Variants in SLC60A2 observed in about 807,000 individuals in gnomAD.
SLC60A2 encodes solute carrier family 60 member 2.
chr6:111,279,803 GGTGGCTCA>G, the SLC60A2 span, among the ~76,000 whole-genome samples: 2 of 152,100 alleles, frequency 1.3e-5, no homozygotes, highest in African/African-American at 4.8e-5. Context: ...GGCTGGGCGT[GGTGGCTCA>G]CACCTGTAAT....
chr6:111,260,657 G>A, the SLC60A2 span, among the ~76,000 whole-genome samples: 4 of 152,270 alleles, frequency 2.6e-5, no homozygotes, highest in East Asian at 1.9e-4. Flanking sequence ...GAGAGGATGA[G>A]TCCTCCCAAG....
chr6:111,266,439 C>T, the SLC60A2 span: 2 of 1,614,080 alleles, frequency 1.2e-6, no homozygotes. Flanking sequence ...TACCTGTTTA[C>T]AGCCTGGAAC....
chr6:111,279,926 A>T, the SLC60A2 span, among the ~76,000 whole-genome samples: 1 of 152,178 alleles, frequency 6.6e-6, no homozygotes, highest in Non-Finnish European at 1.5e-5. Context: ...TCCATCTCAA[A>T]CAAAAAAAAT....
the SLC60A2 span, among the ~76,000 whole-genome samples, chr6:111,263,159 A>G: frequency 1.3e-5 from 2 of 151,978 alleles, no homozygotes; most frequent in Non-Finnish European, 2.9e-5. Context: ...GTTGGTCTGG[A>G]ACTCCTGAGC....
chr6:111,276,009 A>G, the SLC60A2 span, among the ~76,000 whole-genome samples: 13 of 152,216 alleles, frequency 8.5e-5, no homozygotes, highest in Admixed American at 7.2e-4. Flanking sequence ...AGTACTTCAT[A>G]TAAGTGGGAT....
the SLC60A2 span, among the ~76,000 whole-genome samples, chr6:111,277,229 A>C: frequency 4.6e-5 from 7 of 152,260 alleles, no homozygotes; most frequent in African/African-American, 1.7e-4. Flanking sequence ...GAAAATTGGC[A>C]GGTCCTGGGA....
At chr6:111,265,345 G>A in the SLC60A2 span, 5 of 985,016 alleles carry the variant, frequency 5.1e-6, no homozygotes, top group South Asian at 4.7e-5. Context: ...AAATTCAGAT[G>A]CTAAACGGTG....
chr6:111,273,510 T>G, the SLC60A2 span, among the ~76,000 whole-genome samples: 23,465 of 129,354 alleles, frequency 0.18, 1,935 homozygotes, highest in East Asian at 0.38. Flanking sequence ...TTTTTTTTTT[T>G]TTTGTTTAAC....
At chr6:111,275,351 A>G in the SLC60A2 span, among the ~76,000 whole-genome samples, 1 of 151,766 alleles carries the variant, frequency 6.6e-6, no homozygotes, top group East Asian at 1.9e-4. Flanking sequence ...TCCTGGAGGA[A>G]TGTTTTGAAG....
the SLC60A2 span, chr6:111,269,124 A>G: frequency 6.6e-6 from 1 of 152,154 alleles, no homozygotes; most frequent in Non-Finnish European, 1.5e-5. Context: ...GTCTTGGTTC[A>G]TGTAATAACC....
the SLC60A2 span, among the ~76,000 whole-genome samples, chr6:111,277,396 G>A: frequency 6.6e-6 from 1 of 152,224 alleles, no homozygotes; most frequent in Non-Finnish European, 1.5e-5. Context: ...CTACTTGAGT[G>A]AGCTCTAAGA....
chr6:111,262,958 G>T, the SLC60A2 span, among the ~76,000 whole-genome samples: 1 of 151,804 alleles, frequency 6.6e-6, no homozygotes, highest in African/African-American at 2.4e-5. Context: ...TTTGAGACAG[G>T]GTCTCCTCTC....
chr6:111,274,109 G>A, the SLC60A2 span, among the ~76,000 whole-genome samples: 1 of 152,104 alleles, frequency 6.6e-6, no homozygotes, highest in African/African-American at 2.4e-5. Flanking sequence ...TCCCACTTTG[G>A]CCTCCCAAAG....
the SLC60A2 span, among the ~76,000 whole-genome samples, chr6:111,260,707 C>A: frequency 6.6e-6 from 1 of 152,062 alleles, no homozygotes; most frequent in South Asian, 2.1e-4. Context: ...GACTCTGAGC[C>A]ACAGTTGTTT....
chr6:111,261,072 A>T, the SLC60A2 span, among the ~76,000 whole-genome samples: 2 of 152,150 alleles, frequency 1.3e-5, no homozygotes, highest in African/African-American at 4.8e-5. Flanking sequence ...TGTAATCCTT[A>T]CCTCTTGCTG....
At chr6:111,273,526 G>T in the SLC60A2 span, among the ~76,000 whole-genome samples, 1 of 149,884 alleles carries the variant, frequency 6.7e-6, no homozygotes. Context: ...TTAACATGTG[G>T]TCTATCCTGG....
chr6:111,260,226 C>G, the SLC60A2 span, among the ~76,000 whole-genome samples: 1 of 152,132 alleles, frequency 6.6e-6, no homozygotes, highest in African/African-American at 2.4e-5. Context: ...AGCCTTCCTA[C>G]GTCTCCTTCG....
chr6:111,267,076 T>G, the SLC60A2 span: 1 of 1,613,076 alleles, frequency 6.2e-7, no homozygotes, highest in East Asian at 2.2e-5. Context: ...AGTGCCCATG[T>G]GAAGCACTTG....
At chr6:111,265,426 TTACA>T in the SLC60A2 span, 5 of 982,702 alleles carry the variant, frequency 5.1e-6, no homozygotes, top group Non-Finnish European at 6.0e-6. Flanking sequence ...TTTGCATCTG[TTACA>T]TACATAAGTA....
Sources: allele counts gnomAD v4.1 joint callset (sites outside exome capture counted in the v4.1 genomes callset), GRCh38; gene constraint gnomAD v4.1.1; transcripts MANE v1.5; gene names NCBI Gene and HGNC (gene_info 2026-07-23, HGNC 2026-07-21).